PTK2B: variants seen among roughly 807,000 people sequenced by gnomAD.
The protein encoded by PTK2B is protein tyrosine kinase 2 beta, also known as protein-tyrosine kinase 2-beta.
PTK2B carries 71 observed loss-of-function variants against 142.9 expected under a neutral mutation model. The observed-to-expected ratio is 0.50, with a 90% CI of 0.41 to 0.61. The LOEUF is 0.61. Among genes scored for constraint, PTK2B ranks in the 20% least tolerant of loss-of-function variants. PTK2B has a pLI of 0.00. For synonymous variants in PTK2B, 519 were observed against 503.4 expected (o/e 1.03, Z -0.42); for missense variants, 1,105 against 1,320.4 (o/e 0.84, Z 2.53).
intron 1 of PTK2B, among the ~76,000 whole-genome samples, chr8:27,378,108 A>G (rs1448738275): frequency 1.3e-5 from 2 of 152,120 alleles, no homozygotes; most frequent in African/African-American, 4.8e-5. Flanking sequence ...TCTTTTATCA[A>G]TATCTCCTTC....
chr8:27,354,385 G>C (rs1042984696), intron 1 of PTK2B, among the ~76,000 whole-genome samples: 10 of 152,208 alleles, frequency 6.6e-5, no homozygotes, highest in Admixed American at 2.0e-4. Context: ...GGTGTTCTGT[G>C]ATGAGCCGTC....
At chr8:27,403,765 TG>T (rs1237178313) in intron 2 of PTK2B, among the ~76,000 whole-genome samples, 1 of 152,102 alleles carries the variant, frequency 6.6e-6, no homozygotes, top group Non-Finnish European at 1.5e-5. Context: ...CTGCTGCTGC[TG>T]CTGCTCCTCC....
intron 1 of PTK2B, among the ~76,000 whole-genome samples, chr8:27,372,757 C>T (rs1471059894): frequency 6.6e-6 from 1 of 152,156 alleles, no homozygotes; most frequent in Non-Finnish European, 1.5e-5. Context: ...CCACCCTGTT[C>T]TGGAGGGAAG....
At chr8:27,344,153 A>G (rs539967950) in intron 1 of PTK2B, among the ~76,000 whole-genome samples, 1 of 152,144 alleles carries the variant, frequency 6.6e-6, no homozygotes, top group African/African-American at 2.4e-5. Flanking sequence ...CCCTCAGCCC[A>G]TGTATTTGTG....
intron 1 of PTK2B, among the ~76,000 whole-genome samples, chr8:27,348,834 C>T (rs1047915183): frequency 6.6e-6 from 1 of 152,136 alleles, no homozygotes; most frequent in African/African-American, 2.4e-5. Flanking sequence ...TACTCCCACG[C>T]AGCCCTGCCC....
chr8:27,395,029 C>A (rs942106899), intron 1 of PTK2B, among the ~76,000 whole-genome samples: 2 of 152,042 alleles, frequency 1.3e-5, no homozygotes, highest in African/African-American at 4.8e-5. Flanking sequence ...CTTCTGGATA[C>A]CCCCTGAAGG....
At chr8:27,443,916 C>T (rs1811310576) in intron 22 of PTK2B, among the ~76,000 whole-genome samples, 2 of 152,202 alleles carry the variant, frequency 1.3e-5, no homozygotes, top group African/African-American at 4.8e-5. Flanking sequence ...GGAGCTCTGA[C>T]TTGGTGGGTG....
chr8:27,385,753 T>C (rs912050613), intron 1 of PTK2B, among the ~76,000 whole-genome samples: 2 of 151,754 alleles, frequency 1.3e-5, no homozygotes, highest in African/African-American at 4.8e-5. Context: ...AATAGCTGGG[T>C]ATGGGGGCGG....
intron 1 of PTK2B, among the ~76,000 whole-genome samples, chr8:27,389,800 G>A (rs1215508298): frequency 1.3e-5 from 2 of 152,366 alleles, no homozygotes; most frequent in South Asian, 2.1e-4. Flanking sequence ...GGGCCCTGGA[G>A]CAGGCAGAAT....
chr8:27,378,365 C>G (rs951408781), intron 1 of PTK2B, among the ~76,000 whole-genome samples: 1 of 152,168 alleles, frequency 6.6e-6, no homozygotes, highest in Non-Finnish European at 1.5e-5. Flanking sequence ...TTCAGCCAAA[C>G]AATGAAGAAA....
intron 1 of PTK2B, among the ~76,000 whole-genome samples, chr8:27,343,283 G>T (rs1021528436): frequency 1.3e-5 from 2 of 152,110 alleles, no homozygotes; most frequent in African/African-American, 4.8e-5. Flanking sequence ...GGATCTCTCA[G>T]TTGACATACA....
chr8:27,422,624 T>C (rs553663511), intron 5 of PTK2B, among the ~76,000 whole-genome samples: 1 of 152,304 alleles, frequency 6.6e-6, no homozygotes, highest in East Asian at 1.9e-4. Flanking sequence ...CTGCCACTGC[T>C]CTTGCCTGCA....
intron 2 of PTK2B, among the ~76,000 whole-genome samples, chr8:27,313,009 C>A (rs748983589): frequency 2.6e-5 from 4 of 152,144 alleles, no homozygotes; most frequent in African/African-American, 4.8e-5. Context: ...TTGGCTGTGT[C>A]CCCACCCCAA....
rs1028519686 is a variant in PTK2B, at chr8:27,408,142, C to G, written c.204+10354C>G. 3.9e-5 allele frequency among the ~76,000 whole-genome samples: 6 copies of G among 152,204 alleles called. 2 individuals carry two copies. The highest frequency in any genetic ancestry group is 3.9e-4 in the Admixed American group (6 of 15,274). On this transcript the variant is annotated intron_variant, in intron 2 of 30. Coordinates refer to ENST00000346049, the MANE Select transcript of PTK2B (RefSeq NM_173176.3). ...CCCCTGTCTCTCAGCCCCACTCTCC[C>G]CCGAGGTGCCATAGAAACTAGGATT...
upstream of PTK2B, chr8:27,310,816 A>C (rs751377997): frequency 6.9e-6 from 11 of 1,599,218 alleles, no homozygotes; most frequent in Admixed American, 8.5e-5. Flanking sequence ...AGTCGTGGGC[A>C]GTGTCCTTCA....
At chr8:27,446,907 C>G (rs554409992) in intron 24 of PTK2B, among the ~76,000 whole-genome samples, 1 of 152,294 alleles carries the variant, frequency 6.6e-6, no homozygotes, top group East Asian at 1.9e-4. Flanking sequence ...CTCTGACCTA[C>G]CTCGTTTTTC....
intron 1 of PTK2B, among the ~76,000 whole-genome samples, chr8:27,378,649 G>C (rs955130168): frequency 1.5e-5 from 2 of 136,146 alleles, no homozygotes; most frequent in East Asian, 4.4e-4. Context: ...GTGTGTGTGT[G>C]TACACAAGGC....
intron 1 of PTK2B, among the ~76,000 whole-genome samples, chr8:27,391,467 T>C (rs945090824): frequency 1.3e-5 from 2 of 152,228 alleles, no homozygotes; most frequent in Admixed American, 1.3e-4. Context: ...CTCTGGTGTC[T>C]GCCTCCCCAA....
chr8:27,444,079 G>A (rs1175311506), intron 22 of PTK2B, 127 bp from the exon 23 acceptor site: 1 of 957,890 alleles, frequency 1.0e-6, no homozygotes, highest in African/African-American at 1.6e-5. Flanking sequence ...TTTCATGACA[G>A]CTTTGTCCCT....
Sources: gnomAD v4.1 joint callset for allele counts (sites outside exome capture counted in the v4.1 genomes callset) on GRCh38, gnomAD v4.1.1 for gene constraint, MANE v1.5 for transcripts, NCBI Gene and HGNC (gene_info 2026-07-23, HGNC 2026-07-21) for gene names.